SCOC: variants seen among roughly 807,000 people sequenced by gnomAD.
The protein encoded by SCOC is short coiled-coil protein.
SCOC carries 7 observed loss-of-function variants against 9.9 expected under a neutral mutation model. That is an observed-to-expected ratio of 0.71 (90% CI 0.40 to 1.33). The LOEUF (loss-of-function observed/expected upper bound fraction) is 1.33. Among genes scored for constraint, SCOC ranks in the 40% most tolerant of loss-of-function variants. The pLI is 0.01. For synonymous variants in SCOC, 19 were observed against 28.2 expected, an observed-to-expected ratio of 0.67 and a Z score of 1.03; for missense variants, 66 against 89.7, an observed-to-expected ratio of 0.74 and a Z score of 1.07.
intron 2 of SCOC, among the ~76,000 whole-genome samples, chr4:140,348,068 G>A (rs1005735510): frequency 2.0e-5 from 3 of 152,000 alleles, no homozygotes; most frequent in African/African-American, 7.3e-5. Context: ...ATATAATGTA[G>A]TGGAACGGCC....
intron 2 of SCOC, among the ~76,000 whole-genome samples, chr4:140,364,535 C>A (rs58547368): frequency 0.01 from 1,532 of 152,218 alleles, 24 homozygotes; most frequent in African/African-American, 0.035. Flanking sequence ...GGATTTAAGG[C>A]AGGAAGGGAT....
chr4:140,333,246 C>T (rs1560705564), intron 1 of SCOC, among the ~76,000 whole-genome samples: 1 of 152,108 alleles, frequency 6.6e-6, no homozygotes, highest in Non-Finnish European at 1.5e-5. Flanking sequence ...TAAAATAACA[C>T]CCACACTCCT....
chr4:140,319,496 T>C (rs1732434651), intron 1 of SCOC, among the ~76,000 whole-genome samples: 1 of 152,012 alleles, frequency 6.6e-6, no homozygotes, highest in Non-Finnish European at 1.5e-5. Context: ...GAGAGAAACA[T>C]ACAGAAAAGA....
At position 140,336,177 on chromosome 4, in the gene SCOC, T is replaced by C. The variant is rs538137533; in HGVS notation, c.-18-7444T>C. The stretch of plus-strand genomic sequence containing the variant: ...GTAGAGACAGGGACACCATGGATAA[T>C]TTTTTTCTCTGAATTGTATTTTTTA... On this transcript the variant is annotated intron_variant, in intron 1 of 4. Coordinates refer to the SCOC transcript ENST00000394205. 5.9e-5 allele frequency among the ~76,000 whole-genome samples: 9 copies of C among 152,290 alleles called. 1 individual carries two copies. In the East Asian group the frequency reaches 1.7e-3, roughly 29 times the overall value.
chr4:140,333,693 A>C (rs775766631), intron 1 of SCOC, among the ~76,000 whole-genome samples: 6 of 152,284 alleles, frequency 3.9e-5, no homozygotes, highest in Non-Finnish European at 8.8e-5. Context: ...GCATTTAAAG[A>C]AATACAGTGT....
intron 1 of SCOC, among the ~76,000 whole-genome samples, chr4:140,265,045 A>G (rs1262385073): frequency 6.6e-6 from 1 of 152,158 alleles, no homozygotes; most frequent in Non-Finnish European, 1.5e-5. Flanking sequence ...AATGCACATG[A>G]TTTTATTATA....
intron 1 of SCOC, among the ~76,000 whole-genome samples, chr4:140,289,881 T>C (rs576628863): frequency 6.6e-6 from 1 of 152,378 alleles, no homozygotes; most frequent in South Asian, 2.1e-4. Flanking sequence ...TACTTGGTTG[T>C]TCAGTACCTC....
At chr4:140,317,751 GGTTA>G (rs1560698392) in intron 1 of SCOC, among the ~76,000 whole-genome samples, 2 of 149,514 alleles carry the variant, frequency 1.3e-5, no homozygotes, top group Admixed American at 6.7e-5. Context: ...ACATTGTGCA[GGTTA>G]GTTACATATG....
chr4:140,380,953 T>C lies in SCOC; in HGVS notation c.107-9T>C. The stretch of plus-strand genomic sequence containing the variant: ...TTATTGATAATGGGCATTTTTATTT[T>C]TTATATAGATCTCTCTGCAAGAGTA... On this transcript the variant is annotated splice_polypyrimidine_tract_variant and intron_variant, in intron 3 of 3. Coordinates refer to ENST00000608372, the MANE Select transcript of SCOC (RefSeq NM_001153484.2). The C allele has an allele frequency of 6.5e-7, 1 of 1,528,882 alleles. No individual in the cohort carries two copies. The highest frequency in any genetic ancestry group is 8.7e-7 in the Non-Finnish European group (1 of 1,144,110). The allele number at this position is 1,528,882 out of a possible 1,614,324, so 94.7% of individuals were successfully genotyped here.
chr4:140,314,861 C>T (rs949594940), intron 1 of SCOC, among the ~76,000 whole-genome samples: 1 of 150,896 alleles, frequency 6.6e-6, no homozygotes, highest in African/African-American at 2.4e-5. Flanking sequence ...TGAACTCCAC[C>T]CCCCCACCAA....
At chr4:140,313,686 T>A (rs1578799446) in intron 1 of SCOC, among the ~76,000 whole-genome samples, 1 of 152,128 alleles carries the variant, frequency 6.6e-6, no homozygotes, top group African/African-American at 2.4e-5. Flanking sequence ...TAAGCTAGTA[T>A]CCCGGTGGAG....
At chr4:140,373,174 G>C (rs1042288816), upstream of SCOC, 27 of 648,534 alleles carry the variant, frequency 4.2e-5, no homozygotes, top group Non-Finnish European at 5.0e-5. Context: ...TTAGAATTAA[G>C]GAACGACGGT....
intron 1 of SCOC, among the ~76,000 whole-genome samples, chr4:140,274,869 CTCTT>C (rs1730945910): frequency 6.6e-6 from 1 of 152,172 alleles, no homozygotes; most frequent in South Asian, 2.1e-4. Context: ...ATTTTTTCTT[CTCTT>C]TTTCTTCTAC....
At chr4:140,343,657 G>A in exon 2 of SCOC, 1 of 1,613,530 alleles carries the variant, frequency 6.2e-7, no homozygotes, top group South Asian at 1.1e-5. Flanking sequence ...GTCCAGGAAA[G>A]AGGAGGAGGA....
At chr4:140,285,907 G>A (rs1311273947) in intron 1 of SCOC, among the ~76,000 whole-genome samples, 1 of 152,138 alleles carries the variant, frequency 6.6e-6, no homozygotes, top group African/African-American at 2.4e-5. Context: ...TTGCTGGGCT[G>A]GGTGCCGTGG....
chr4:140,298,992 T>G (rs894599574), intron 1 of SCOC, among the ~76,000 whole-genome samples: 1 of 152,024 alleles, frequency 6.6e-6, no homozygotes, highest in Non-Finnish European at 1.5e-5. Context: ...ATTTTTTCTA[T>G]TTTTTTGTGG....
At chr4:140,356,787 G>A (rs1188803252) in intron 2 of SCOC, among the ~76,000 whole-genome samples, 1 of 151,944 alleles carries the variant, frequency 6.6e-6, no homozygotes, top group African/African-American at 2.4e-5. Context: ...TAATTAGCAC[G>A]TATTTTAGAG....
chr4:140,370,782 T>G (rs1228896659), upstream of SCOC, among the ~76,000 whole-genome samples: 1 of 152,208 alleles, frequency 6.6e-6, no homozygotes, highest in East Asian at 1.9e-4. Flanking sequence ...AAGGTAAACA[T>G]TTTTTAAAAA....
intron 2 of SCOC, among the ~76,000 whole-genome samples, chr4:140,349,247 G>A (rs1726872810): frequency 6.6e-6 from 1 of 152,180 alleles, no homozygotes. Context: ...GGCTCAAAAG[G>A]CAGAGCTGCT....
Sources: allele counts gnomAD v4.1 joint callset (sites outside exome capture counted in the v4.1 genomes callset), GRCh38; gene constraint gnomAD v4.1.1; transcripts MANE v1.5; gene names NCBI Gene and HGNC (gene_info 2026-07-23, HGNC 2026-07-21).